Variants in MBTPS1 observed in about 807,000 individuals in gnomAD.
The protein encoded by MBTPS1 is membrane-bound transcription factor site-1 protease.
A neutral mutation model predicts 127.8 loss-of-function variants in MBTPS1; 94 were observed. That is an observed-to-expected ratio of 0.74 (90% confidence interval 0.62 to 0.87). MBTPS1 has a LOEUF of 0.87. MBTPS1 is among the 40% of genes least tolerant of loss of function. MBTPS1 has a pLI of 0.00. For missense variants in MBTPS1, 1,636 were observed against 1,353.2 expected (o/e 1.21, Z -3.28); for synonymous variants, 632 against 509.4 (o/e 1.24, Z -3.24).
In MBTPS1 at chr16:84,067,762, C is replaced by T; in HGVS notation, c.2133G>A (p.Arg711=). ...GCGAGAGGCCGTTGTCCACGTCCCT[C>T]CGGAGCTTGGCGATCTCTTCAGGGA... ...EYFPEEIAKL[R]RDVDNGLSLV... The change falls in exon 16 of 23, where the codon CGG becomes CGA. Residue 711 remains arginine, a synonymous_variant. Coordinates refer to ENST00000343411, the MANE Select transcript of MBTPS1 (RefSeq NM_003791.4). 1.9e-6 allele frequency: 3 copies of T among 1,614,112 alleles called. No homozygotes were observed. Among genetic ancestry groups the T allele is most frequent in the Non-Finnish European group, 2.5e-6 (3 of 1,179,938 alleles).
At chr16:84,088,786 T>G (rs1193481644) in intron 8 of MBTPS1, among the ~76,000 whole-genome samples, 2 of 152,080 alleles carry the variant, frequency 1.3e-5, no homozygotes, top group African/African-American at 4.8e-5. Flanking sequence ...AGACCAGCCC[T>G]GGAAGCAGTC....
At position 84,099,120 on chromosome 16, in the gene MBTPS1, T is replaced by C; in HGVS notation, c.354A>G (p.Glu118=). Residue 118 remains glutamate (E), a synonymous_variant, in exon 3 of 23, where the codon GAA becomes GAG. Coordinates refer to ENST00000343411, the MANE Select transcript of MBTPS1 (RefSeq NM_003791.4). ...TGACCCGTTTGATGTTTGGATGATC[T>C]TCAAGTGTTAGCAGCCCCGCTTTCT... ...EKQKAGLLTL[E]DHPNIKRVTP... is the part of the protein sequence containing the mutation. 1 of 1,614,194 alleles carries C rather than the reference T, an allele frequency of 6.2e-7. No homozygotes were observed. Among genetic ancestry groups the C allele is most frequent in the Non-Finnish European group, 8.5e-7 (1 of 1,180,018 alleles).
chr16:84,077,234 G>GAAAAAAAAAA (rs1191331764), intron 11 of MBTPS1, among the ~76,000 whole-genome samples: 3 of 100,262 alleles, frequency 3.0e-5, no homozygotes, highest in Non-Finnish European at 6.1e-5. Context: ...CATTAAAAAA[G>GAAAAAAAAAA]AAAAAAAAAA....
At chr16:84,079,205 C>A (rs2085902851) in intron 11 of MBTPS1, among the ~76,000 whole-genome samples, 1 of 152,210 alleles carries the variant, frequency 6.6e-6, no homozygotes, top group South Asian at 2.1e-4. Context: ...CTGAGGCCTC[C>A]CCAGAAGCAG....
At chr16:84,063,223 A>C in intron 19 of MBTPS1, 82 bp downstream of exon 19, 3 of 1,413,566 alleles carry the variant, frequency 2.1e-6, no homozygotes, top group African/African-American at 1.4e-5. Context: ...ATCTGCCAGC[A>C]TCTCACGGGC....
rs556824851 is a variant in MBTPS1 at position 84,114,197 on chromosome 16, G to C, written c.-325+2538C>G. ...AGGATGGTCTCAATCTCCTGACCTC[G>C]TGATCTGCCCGCCTCGGCCTCCCAA... On this transcript the variant is annotated intron_variant, in intron 1 of 22. Coordinates refer to ENST00000343411, the MANE Select transcript of MBTPS1 (RefSeq NM_003791.4). 2.6e-5 allele frequency among the ~76,000 whole-genome samples: 4 copies of C among 152,108 alleles called. No homozygotes were observed. The East Asian group carries it at 7.8e-4, about 30-fold the overall frequency.
At chr16:84,072,137 C>T (rs565058197) in intron 12 of MBTPS1, 1 of 152,366 alleles carries the variant, frequency 6.6e-6, no homozygotes, top group Non-Finnish European at 1.5e-5. Context: ...TACTCCAACA[C>T]AGGAAGCAGC....
intron 18 of MBTPS1, 29 bp from the exon 19 acceptor site, chr16:84,063,474 C>A: frequency 1.2e-6 from 2 of 1,608,250 alleles, no homozygotes; most frequent in Non-Finnish European, 1.7e-6. Context: ...AAACAACAGC[C>A]ATGAGAGTTT....
intron 3 of MBTPS1, among the ~76,000 whole-genome samples, chr16:84,096,960 A>G (rs1337320077): frequency 1.3e-5 from 2 of 152,216 alleles, no homozygotes; most frequent in Non-Finnish European, 2.9e-5. Context: ...ATTTAGAAAA[A>G]TTAGTACATT....
Position 84,085,579 on chromosome 16 carries a change from C to CG in MBTPS1, c.1135-446_1135-445insC, listed in dbSNP as rs1296262251. ...CCCTCAGCCCCGCACCCGCCCCCCC[C>CG]CCAAAAAAAAAGAGAAAAAAACAAA... On this transcript the variant is annotated intron_variant, in intron 9 of 22. Transcript: ENST00000343411. 1.6e-4 allele frequency among the ~76,000 whole-genome samples: 17 copies of CG among 103,272 alleles called. 1 individual carries two copies. Among genetic ancestry groups the CG allele is most frequent in the African/African-American group, 4.9e-4 (15 of 30,426 alleles). 67.8% of individuals were successfully genotyped at this position (103,272 alleles called of 152,430 possible). A position where few individuals can be genotyped will look rare whatever the true frequency, so the allele number is the denominator to read the frequency against.
chr16:84,078,112 G>A (rs866831568), intron 11 of MBTPS1, among the ~76,000 whole-genome samples: 1 of 152,008 alleles, frequency 6.6e-6, no homozygotes, highest in Non-Finnish European at 1.5e-5. Context: ...CACTGCTCAC[G>A]CAATACCAAA....
chr16:84,070,190 A>G lies in MBTPS1; in HGVS notation c.1783-152T>C, dbSNP rs1463736206. On this transcript the variant is annotated intron_variant, in intron 13 of 22. Coordinates refer to ENST00000343411, the MANE Select transcript of MBTPS1 (RefSeq NM_003791.4). ...ATGTCTGATGAAAGATTCATGTATC[A>G]TAACTAAGTCCATTCAAACACTTAA... 5.8e-6 allele frequency: 4 copies of G among 694,074 alleles called. No homozygotes were observed. The African/African-American group carries it at 7.2e-5, about 12-fold the overall frequency. The allele number at this position is 694,074 out of a possible 1,614,324, so 43.0% of individuals were successfully genotyped here. A position where few individuals can be genotyped will look rare whatever the true frequency, so the allele number is the denominator to read the frequency against.
At chr16:84,088,423 A>G (rs893731769) in intron 8 of MBTPS1, among the ~76,000 whole-genome samples, 1 of 152,076 alleles carries the variant, frequency 6.6e-6, no homozygotes, top group African/African-American at 2.4e-5. Context: ...TTTTCTGATG[A>G]CTGATGCTAG....
At chr16:84,098,586 A>C (rs1422793938) in intron 3 of MBTPS1, among the ~76,000 whole-genome samples, 1 of 152,224 alleles carries the variant, frequency 6.6e-6, no homozygotes, top group Non-Finnish European at 1.5e-5. Context: ...CAGCCTGGGC[A>C]ACAAGAGCGA....
chr16:84,054,651 A>G lies in MBTPS1; in HGVS notation c.2963-6T>C. The G allele has an allele frequency of 6.3e-7, 1 of 1,581,266 alleles. No individual in the cohort carries two copies. Among genetic ancestry groups the G allele is most frequent in the Non-Finnish European group, 8.6e-7 (1 of 1,160,650 alleles). ...GTAGCGGCCAGGCATGATCCCTGTA[A>G]GAGGACAGCCGGTTGAACAGGCAGG... On this transcript the variant is annotated splice_polypyrimidine_tract_variant and splice_region_variant and intron_variant, in intron 22 of 22. Transcript: ENST00000343411.
At chr16:84,084,616 G>T (rs552909881) in intron 10 of MBTPS1, among the ~76,000 whole-genome samples, 6 of 152,138 alleles carry the variant, frequency 3.9e-5, no homozygotes, top group African/African-American at 1.4e-4. Context: ...ATATATGGCA[G>T]GGAAATATCT....
intron 19 of MBTPS1, 182 bp from the exon 20 acceptor site, chr16:84,060,995 G>A (rs575135059): frequency 1.8e-5 from 9 of 496,024 alleles, no homozygotes; most frequent in East Asian, 7.1e-5. Context: ...CAGCATGCCC[G>A]GCTAATTTTT....
intron 10 of MBTPS1, among the ~76,000 whole-genome samples, chr16:84,084,104 C>G (rs940971866): frequency 6.6e-6 from 1 of 152,166 alleles, no homozygotes; most frequent in African/African-American, 2.4e-5. Flanking sequence ...GGATTACAGC[C>G]GCCCACCACC....
intron 11 of MBTPS1, among the ~76,000 whole-genome samples, chr16:84,077,314 A>G (rs911577693): frequency 2.0e-5 from 3 of 152,064 alleles, no homozygotes; most frequent in African/African-American, 7.2e-5. Context: ...AAAAAAAATT[A>G]CAAGGGGAAC....
Sources: allele counts gnomAD v4.1 joint callset (sites outside exome capture counted in the v4.1 genomes callset), GRCh38; gene constraint gnomAD v4.1.1; transcripts MANE v1.5; gene names NCBI Gene and HGNC (gene_info 2026-07-23, HGNC 2026-07-21).